The following KIAA1755 variants were observed in gnomAD, a reference collection of about 807,000 sequenced individuals.
The protein encoded by KIAA1755 is uncharacterized protein KIAA1755.
Under a neutral mutation model 91.7 loss-of-function variants are expected in KIAA1755, and 68 were observed. The ratio of observed to expected loss-of-function variants is 0.74; its 90% CI spans 0.61 to 0.91. The LOEUF is 0.91. Among genes scored for constraint, KIAA1755 ranks in the 40% least tolerant of loss-of-function variants. The pLI, the probability that KIAA1755 is intolerant of heterozygous loss-of-function variation, is 0.00. For missense variants in KIAA1755, 1,535 were observed against 1,494.4 expected, an observed-to-expected ratio of 1.03 and a Z score of -0.45; for synonymous variants, 610 against 604.6, an observed-to-expected ratio of 1.01 and a Z score of -0.13.
intron 13 of KIAA1755, chr20:38,216,986 GT>G: frequency 1.5e-6 from 1 of 675,178 alleles, no homozygotes; most frequent in Non-Finnish European, 2.7e-6. Flanking sequence ...CCCTTCCTCT[GT>G]TTTTTTCCTG....
chr20:38,223,955 C>A (rs908336391), intron 8 of KIAA1755, among the ~76,000 whole-genome samples: 1 of 152,076 alleles, frequency 6.6e-6, no homozygotes, highest in Non-Finnish European at 1.5e-5. Context: ...AGGAGACAGG[C>A]CTGAGCGACT....
In KIAA1755 at chr20:38,225,680, C is replaced by T; in HGVS notation, c.2154G>A (p.Trp718Ter). Residue 718 changes from tryptophan (W) to a stop codon, truncating the protein, a stop_gained, in exon 8 of 14, where the codon TGG becomes TGA. Coordinates refer to ENST00000279024, the MANE Select transcript of KIAA1755 (RefSeq NM_001029864.2). LOFTEE classifies it high-confidence loss of function. ...CGGTAAACACCTGGAAGAAATGAAC[C>T]CACTCGGTGTGGCAGTAGGGGAAGG... Reference protein sequence around the residue: ...EGPFPYCHTEWVHFFQKLDPF... With the variant: ...EGPFPYCHTE 1 of 1,611,744 alleles carries T rather than the reference C, an allele frequency of 6.2e-7. No individual in the cohort carries two copies. Among genetic ancestry groups the T allele is most frequent in the Non-Finnish European group, 8.5e-7 (1 of 1,178,064 alleles).
At chr20:38,216,952 T>A (rs1224683157) in intron 13 of KIAA1755, 4 of 613,972 alleles carry the variant, frequency 6.5e-6, no homozygotes, top group Non-Finnish European at 1.2e-5. Flanking sequence ...CACAGACACA[T>A]CTATGTTCAA....
rs867857036 is a variant in KIAA1755, at chr20:38,211,634, T to C, written c.*1408A>G. 5 of 152,270 alleles carry C rather than the reference T, an allele frequency of 3.3e-5. No individual in the cohort carries two copies. Among genetic ancestry groups the C allele is most frequent in the Middle Eastern group, 3.2e-3 (1 of 316 alleles). 9.4% of individuals were successfully genotyped at this position (152,270 alleles called of 1,614,324 possible). A position where few individuals can be genotyped will look rare whatever the true frequency, so the allele number is the denominator to read the frequency against. ...TGGGCAGGGAAGGGGACAGAAGACA[T>C]TGAGTTCAGGGAGGCTTGGTGGGGA... is the stretch of plus-strand genomic sequence containing the variant. On this transcript the variant is annotated 3_prime_UTR_variant, in exon 14 of 14. Coordinates refer to ENST00000279024, the MANE Select transcript of KIAA1755 (RefSeq NM_001029864.2).
intron 4 of KIAA1755, among the ~76,000 whole-genome samples, chr20:38,232,458 C>T (rs2075884152): frequency 6.6e-6 from 1 of 151,872 alleles, no homozygotes; most frequent in Non-Finnish European, 1.5e-5. Context: ...AACCCCGTCT[C>T]TACTAAAAAA....
Position 38,226,836 on chromosome 20 carries a change from C to G in KIAA1755, c.2052+318G>C, listed in dbSNP as rs149770786. Among the ~76,000 whole-genome samples, 193 of 152,292 alleles carry G rather than the reference C, an allele frequency of 1.3e-3. 1 individual carries two copies. The highest frequency in any genetic ancestry group is 4.5e-3 in the African/African-American group (187 of 41,552). ...AGGCTTCAGTTTCCCCCTCTGAAAA[C>G]AAAGGGAGGAGGGATGGACCAGATG... is the stretch of plus-strand genomic sequence containing the variant. On this transcript the variant is annotated intron_variant, in intron 7 of 13. Transcript: ENST00000279024.
intron 2 of KIAA1755, among the ~76,000 whole-genome samples, chr20:38,242,696 A>G (rs1347136308): frequency 6.6e-6 from 1 of 152,232 alleles, no homozygotes; most frequent in Non-Finnish European, 1.5e-5. Context: ...TAGAAACAGT[A>G]TTGAATGAGA....
Position 38,225,710 on chromosome 20 carries a change from T to C in KIAA1755, c.2124A>G (p.Glu708=), listed in dbSNP as rs965918092. The change falls in exon 8 of 14, where the codon GAA becomes GAG. Residue 708 remains glutamate, a synonymous_variant. Transcript: ENST00000279024. ...CGGTGTGGCAGTAGGGGAAGGGGCC[T>C]TCCAGGACTGCGGGCAGCTGGCTGG... ...VDPSQLPAVL[E]GPFPYCHTEW... The C allele has an allele frequency of 1.1e-5, 18 of 1,612,776 alleles. No individual in the cohort carries two copies. The highest frequency in any genetic ancestry group is 1.4e-5 in the Non-Finnish European group (17 of 1,179,422).
chr20:38,251,325 C>T (rs2076246104), intron 1 of KIAA1755, among the ~76,000 whole-genome samples: 1 of 152,062 alleles, frequency 6.6e-6, no homozygotes, highest in Non-Finnish European at 1.5e-5. Context: ...ACTGATTGTC[C>T]ATCACATGGT....
In KIAA1755 at chr20:38,217,271, C is replaced by T. The variant is rs779444169; in HGVS notation, c.2883G>A (p.Leu961=). 1.7e-5 allele frequency: 28 copies of T among 1,602,778 alleles called. No homozygotes were observed. In the South Asian group the frequency reaches 2.8e-4, roughly 16 times the overall value. Residue 961 remains leucine (L), a synonymous_variant, in exon 13 of 14, where the codon CTG becomes CTA. Coordinates refer to ENST00000279024, the MANE Select transcript of KIAA1755 (RefSeq NM_001029864.2). Reference sequence around the variant, plus strand: ...GGCTCACCCTCTTGCAGAAGCGGTGCAGGTGGAGCAGCGTCTCGAGGTCCG... The same window carrying T: ...GGCTCACCCTCTTGCAGAAGCGGTGTAGGTGGAGCAGCGTCTCGAGGTCCG... ...QRTDLETLLH[L]HRFCKRMTWF...
chr20:38,224,747 T>G (rs1181928188), intron 8 of KIAA1755, among the ~76,000 whole-genome samples: 1 of 152,180 alleles, frequency 6.6e-6, no homozygotes, highest in Non-Finnish European at 1.5e-5. Context: ...CGGGCATTGA[T>G]GGGCATCGGT....
At chr20:38,245,370 T>C (rs1259746433) in intron 2 of KIAA1755, among the ~76,000 whole-genome samples, 1 of 152,238 alleles carries the variant, frequency 6.6e-6, no homozygotes, top group African/African-American at 2.4e-5. Context: ...GTGGATCAAC[T>C]TGGGCCTGAG....
rs568819409 is a variant in KIAA1755 at position 38,225,874 on chromosome 20, A to G, written c.2053-93T>C. ...CAGATCCCTGCCCCAGCACCAGTTC[A>G]TTTCCCACAAGTAAGGTTGACTCCA... On this transcript the variant is annotated intron_variant, in intron 7 of 13. Coordinates refer to ENST00000279024, the MANE Select transcript of KIAA1755 (RefSeq NM_001029864.2). 6.0e-6 allele frequency: 4 copies of G among 669,366 alleles called. No individual in the cohort carries two copies. In the Admixed American group the frequency reaches 1.4e-4, roughly 24 times the overall value. 41.5% of individuals were successfully genotyped at this position (669,366 alleles called of 1,614,324 possible). A position where few individuals can be genotyped will look rare whatever the true frequency, so the allele number is the denominator to read the frequency against.
chr20:38,244,132 G>T (rs6014430), intron 2 of KIAA1755, among the ~76,000 whole-genome samples: 1 of 151,976 alleles, frequency 6.6e-6, no homozygotes, highest in East Asian at 1.9e-4. Flanking sequence ...ATAAAGACGC[G>T]GAAATGTTGT....
In KIAA1755 at chr20:38,211,424, A is replaced by G. The variant is rs900893745; in HGVS notation, c.*1618T>C. On this transcript the variant is annotated 3_prime_UTR_variant, in exon 14 of 14. Transcript: ENST00000279024. ...GAGGTAAGGCAAACACTTTCAGCTT[A>G]ATGACACTCCAGAGAGGCGCTGGCA... 1.3e-5 allele frequency: 2 copies of G among 152,268 alleles called. No individual in the cohort carries two copies. The allele number at this position is 152,268 out of a possible 1,614,324, so 9.4% of individuals were successfully genotyped here.
rs762663697 is a variant in KIAA1755, at chr20:38,241,454, T to A, written c.677A>T (p.Gln226Leu). The change falls in exon 3 of 14, where the codon CAG becomes CTG. Residue 226 changes from glutamine to leucine, a missense_variant. Transcript: ENST00000279024. The stretch of plus-strand genomic sequence containing the variant: ...GGCCAAACTCTGGGCAGGAAGCACC[T>A]GGTTGTCTGGGGAGCTGGCCTGGTG... ...ELHQASSPDN[Q>L]VLPAQSLAKG... 6.2e-7 allele frequency: 1 copy of A among 1,614,216 alleles called. No homozygotes were observed. Among genetic ancestry groups the A allele is most frequent in the Non-Finnish European group, 8.5e-7 (1 of 1,180,030 alleles).
At position 38,248,263 on chromosome 20, in the gene KIAA1755, C is replaced by T. The variant is rs569668050; in HGVS notation, c.4-2137G>A. Among the ~76,000 whole-genome samples the T allele has an allele frequency of 2.6e-3, 391 of 152,150 alleles. 1 individual carries two copies. The highest frequency in any genetic ancestry group is 4.4e-3 in the Non-Finnish European group (298 of 67,986). On this transcript the variant is annotated intron_variant, in intron 1 of 13. Transcript: ENST00000279024. ...TAAATAAATAGCGGAAATATGACAA[C>T]GGAAGCAGGATCAGAGAGATGTGAT...
At chr20:38,255,889 C>T (rs2076332379) in intron 1 of KIAA1755, among the ~76,000 whole-genome samples, 1 of 152,098 alleles carries the variant, frequency 6.6e-6, no homozygotes, top group Non-Finnish European at 1.5e-5. Context: ...CCTTTCTCTC[C>T]CTCTCCCCTT....
chr20:38,215,727 G>A (rs2075533433), intron 13 of KIAA1755, among the ~76,000 whole-genome samples: 1 of 152,204 alleles, frequency 6.6e-6, no homozygotes, highest in South Asian at 2.1e-4. Context: ...GAAGGCCAGT[G>A]GGGCTGAAAT....
Sources: allele counts gnomAD v4.1 joint callset (sites outside exome capture counted in the v4.1 genomes callset), GRCh38; gene constraint gnomAD v4.1.1; transcripts MANE v1.5; gene names NCBI Gene and HGNC (gene_info 2026-07-23, HGNC 2026-07-21).